The following TG variants were observed in gnomAD, a reference collection of about 807,000 sequenced individuals.
The protein encoded by TG is thyroid hormones.
Under a neutral mutation model 324.7 loss-of-function variants are expected in TG, and 270 were observed. The observed-to-expected ratio is 0.83, with a 90% CI of 0.75 to 0.92. The LOEUF (loss-of-function observed/expected upper bound fraction) is 0.92, where lower values mean the gene tolerates loss of function less well. Among genes scored for constraint, TG ranks in the 40% least tolerant of loss-of-function variants. TG has a pLI of 0.00. For missense variants in TG, 3,591 were observed against 3,456.4 expected, an observed-to-expected ratio of 1.04 and a Z score of -0.98; for synonymous variants, 1,401 against 1,327.0, an observed-to-expected ratio of 1.06 and a Z score of -1.21.
chr8:133,008,167 ATCATT>A (rs1328099503), intron 35 of TG, among the ~76,000 whole-genome samples: 1 of 152,240 alleles, frequency 6.6e-6, no homozygotes, highest in Non-Finnish European at 1.5e-5. Context: ...TAACTTTGAG[ATCATT>A]CCAAGTAACC....
intron 41 of TG, chr8:133,050,311 C>A: frequency 2.7e-6 from 1 of 377,078 alleles, no homozygotes; most frequent in Non-Finnish European, 5.0e-6. Flanking sequence ...GATTTATGCT[C>A]TGCAGTATAG....
intron 27 of TG, among the ~76,000 whole-genome samples, chr8:132,953,519 G>T (rs1380421160): frequency 6.6e-6 from 1 of 152,184 alleles, no homozygotes; most frequent in African/African-American, 2.4e-5. Flanking sequence ...ATCCTTTTCT[G>T]TTTGGTAAAA....
chr8:133,125,736 G>T (rs188897589), intron 45 of TG, among the ~76,000 whole-genome samples: 9 of 152,280 alleles, frequency 5.9e-5, no homozygotes, highest in Middle Eastern at 3.4e-3. Context: ...CTGAGTGCGC[G>T]CTAGGACACT....
chr8:132,963,169 C>A, intron 29 of TG, 95 bp downstream of exon 29: 1 of 1,104,214 alleles, frequency 9.1e-7, no homozygotes, highest in Non-Finnish European at 1.4e-6. Flanking sequence ...GACGTATTGA[C>A]ATCACTCTAT....
chr8:132,917,519 A>G (rs1049151598), intron 20 of TG, among the ~76,000 whole-genome samples: 1 of 151,990 alleles, frequency 6.6e-6, no homozygotes, highest in African/African-American at 2.4e-5. Context: ...CATAATTTGT[A>G]CAGCTGGGGA....
At chr8:133,010,885 G>C (rs1200819322) in intron 35 of TG, among the ~76,000 whole-genome samples, 1 of 152,190 alleles carries the variant, frequency 6.6e-6, no homozygotes, top group Non-Finnish European at 1.5e-5. Flanking sequence ...GCACCAGAGA[G>C]CAGTTGGAGG....
At chr8:132,871,297 C>T in intron 3 of TG, 51 bp from the exon 4 acceptor site, 1 of 1,593,736 alleles carries the variant, frequency 6.3e-7, no homozygotes, top group African/African-American at 1.3e-5. Flanking sequence ...GGGCTCTGCC[C>T]CCTGGAAATT....
chr8:132,892,868 G>A (rs550520564), intron 10 of TG, among the ~76,000 whole-genome samples: 10 of 144,270 alleles, frequency 6.9e-5, no homozygotes, highest in East Asian at 4.3e-4. Flanking sequence ...TGTGGTATGC[G>A]TGTGTGCATG....
chr8:132,924,485 C>A (rs547399890), intron 22 of TG, among the ~76,000 whole-genome samples: 8 of 152,264 alleles, frequency 5.3e-5, no homozygotes, highest in African/African-American at 1.9e-4. Context: ...TCCCCAGTGG[C>A]TTTCAGTCTA....
intron 10 of TG, among the ~76,000 whole-genome samples, chr8:132,893,230 GGTGT>G (rs1206468810): frequency 1.8e-5 from 2 of 111,858 alleles, no homozygotes; most frequent in Admixed American, 9.2e-5. Flanking sequence ...GTGTATATGT[GGTGT>G]GTGTGTATGT....
chr8:133,009,070 G>A (rs1834268593), intron 35 of TG, among the ~76,000 whole-genome samples: 2 of 152,218 alleles, frequency 1.3e-5, no homozygotes, highest in South Asian at 4.1e-4. Context: ...CCCTGGAATG[G>A]TGACAGATGA....
intron 30 of TG, 126 bp from the exon 31 acceptor site, chr8:132,967,668 C>A (rs1268854802): frequency 4.7e-6 from 5 of 1,063,358 alleles, no homozygotes; most frequent in Non-Finnish European, 7.0e-6. Context: ...TCATGACAGT[C>A]TCAGGCCTCT....
intron 43 of TG, among the ~76,000 whole-genome samples, chr8:133,097,645 G>C (rs1848623360): frequency 6.6e-6 from 1 of 152,174 alleles, no homozygotes; most frequent in Admixed American, 6.5e-5. Context: ...GTGTATATTT[G>C]TATGTTTTTC....
At chr8:133,019,473 C>G (rs976934556) in intron 38 of TG, 129 bp from the exon 39 acceptor site, 1 of 726,856 alleles carries the variant, frequency 1.4e-6, no homozygotes, top group Non-Finnish European at 2.4e-6. Flanking sequence ...TTTCCTGAAG[C>G]TGCCTAATTT....
chr8:133,059,937 A>C (rs771034420), intron 41 of TG, among the ~76,000 whole-genome samples: 3 of 152,234 alleles, frequency 2.0e-5, no homozygotes. Flanking sequence ...TCTTTTAATT[A>C]TGAAGTATTT....
intron 41 of TG, among the ~76,000 whole-genome samples, chr8:133,035,505 T>C (rs1837020546): frequency 6.6e-6 from 1 of 152,198 alleles, no homozygotes; most frequent in Non-Finnish European, 1.5e-5. Context: ...TATTTACTTA[T>C]CTTTGCTTAC....
chr8:133,095,995 A>C (rs555787082), intron 42 of TG, among the ~76,000 whole-genome samples: 3 of 152,294 alleles, frequency 2.0e-5, no homozygotes, highest in African/African-American at 7.2e-5. Flanking sequence ...GCTCCCCTGG[A>C]GACCATCATT....
intron 28 of TG, among the ~76,000 whole-genome samples, chr8:132,962,228 T>C (rs1464484817): frequency 6.6e-6 from 1 of 151,812 alleles, no homozygotes; most frequent in Non-Finnish European, 1.5e-5. Context: ...TAAAATGAGA[T>C]TATGTACTTC....
At position 132,941,464 on chromosome 8, in the gene TG, G is replaced by T. The variant is rs752652095; in HGVS notation, c.5155G>T (p.Asp1719Tyr). The T allele has an allele frequency of 1.2e-6, 2 of 1,614,178 alleles. No homozygotes were observed. The highest frequency in any genetic ancestry group is 2.2e-5 in the East Asian group (1 of 44,890). Residue 1719 changes from aspartate to tyrosine, a missense_variant, in exon 26 of 48, where the codon GAT (aspartate) becomes TAT (tyrosine). By Grantham distance (160) the Asp-to-Tyr change is radical (BLOSUM62 -3). Coordinates refer to ENST00000220616, the MANE Select transcript of TG (RefSeq NM_003235.5). ...CTCAGCCTCAGGAGCCAATCTAACCGATGCTCACCTCTTCTGTCTTCTTGC... is the reference window on the plus strand; with the variant it reads ...CTCAGCCTCAGGAGCCAATCTAACCTATGCTCACCTCTTCTGTCTTCTTGC... ...VFSASGANLT[D>Y]AHLFCLLACD...
Sources: allele counts gnomAD v4.1 joint callset (sites outside exome capture counted in the v4.1 genomes callset), GRCh38; gene constraint gnomAD v4.1.1; transcripts MANE v1.5; gene names NCBI Gene and HGNC (gene_info 2026-07-23, HGNC 2026-07-21).